The following ADAMTS14 variants were observed in gnomAD, a reference collection of about 807,000 sequenced individuals.
The protein encoded by ADAMTS14 is A disintegrin and metalloproteinase with thrombospondin motifs 14.
Under a neutral mutation model 128.6 loss-of-function variants are expected in ADAMTS14, and 100 were observed. That is an observed-to-expected ratio of 0.78 (90% CI 0.66 to 0.92). The LOEUF (loss-of-function observed/expected upper bound fraction) is 0.92. Ranked by LOEUF, ADAMTS14 falls within the 40% of genes least tolerant of loss-of-function variation. ADAMTS14 has a pLI of 0.00. For synonymous variants in ADAMTS14, 665 were observed against 653.8 expected (o/e 1.02, Z -0.26); for missense variants, 1,562 against 1,658.6 (o/e 0.94, Z 1.01).
intron 11 of ADAMTS14, 139 bp downstream of exon 11, chr10:70,739,129 CAA>C (rs1841919023): frequency 1.8e-6 from 2 of 1,098,900 alleles, no homozygotes; most frequent in Non-Finnish European, 2.5e-6. Context: ...CATGAGGACA[CAA>C]ACTTGTTGGT....
At chr10:70,745,533 C>T in intron 15 of ADAMTS14, 1 of 563,414 alleles carries the variant, frequency 1.8e-6, no homozygotes, top group South Asian at 1.9e-5. Flanking sequence ...TAAAGAGTCC[C>T]CTTTCTACCC....
At chr10:70,746,471 G>A (rs914776879) in intron 15 of ADAMTS14, among the ~76,000 whole-genome samples, 2 of 152,134 alleles carry the variant, frequency 1.3e-5, no homozygotes, top group African/African-American at 2.4e-5. Flanking sequence ...TTTTTGGGGC[G>A]ATGAAAATGT....
In ADAMTS14 at chr10:70,691,048, A is replaced by T. The variant is rs1216995947; in HGVS notation, c.523-11264A>T. Among the ~76,000 whole-genome samples the T allele has an allele frequency of 1.4e-5, 2 of 144,906 alleles. 1 individual carries two copies. The highest frequency in any genetic ancestry group is 1.4e-4 in the Admixed American group (2 of 14,598). On this transcript the variant is annotated intron_variant, in intron 2 of 21. Transcript: ENST00000373207. The stretch of plus-strand genomic sequence containing the variant: ...TGAGGGTGGCTGCTGGCCTGGCAAG[A>T]TCTGCCCTGAGTCTGGCTGGGCTCC...
Position 70,702,618 on chromosome 10 carries a change from A to G in ADAMTS14, c.679+150A>G, listed in dbSNP as rs1840532030. ...CCACATAGACCTGCTGTACTGGCAG[A>G]GAAACCCCATTGCGTTCTAGAAGCT... On this transcript the variant is annotated intron_variant, in intron 3 of 21. Coordinates refer to ENST00000373207, the MANE Select transcript of ADAMTS14 (RefSeq NM_080722.4). 4 of 1,098,686 alleles carry G rather than the reference A, an allele frequency of 3.6e-6. No homozygotes were observed. The South Asian group carries it at 6.9e-5, about 19-fold the overall frequency. 68.1% of individuals were successfully genotyped at this position (1,098,686 alleles called of 1,614,324 possible).
chr10:70,732,758 C>A (rs1374996859), intron 7 of ADAMTS14, among the ~76,000 whole-genome samples: 1 of 152,206 alleles, frequency 6.6e-6, no homozygotes, highest in East Asian at 1.9e-4. Flanking sequence ...AGACTTGATC[C>A]AGCCCACCCT....
intron 20 of ADAMTS14, 31 bp downstream of exon 20, chr10:70,758,122 C>T: frequency 6.2e-7 from 1 of 1,612,310 alleles, no homozygotes; most frequent in Non-Finnish European, 8.5e-7. Flanking sequence ...AGGCCAGGTC[C>T]AGTCCCTTGG....
In ADAMTS14 at chr10:70,760,579, C is replaced by T; in HGVS notation, c.3398C>T (p.Pro1133Leu). 1 of 1,613,844 alleles carries T rather than the reference C, an allele frequency of 6.2e-7. No homozygotes were observed. ...CAGGACCCTGCAGATGCTGCAGAGCCTCCTGGAAAGCCAACGGGATCAGAG... is the reference window on the plus strand; with the variant it reads ...CAGGACCCTGCAGATGCTGCAGAGCTTCCTGGAAAGCCAACGGGATCAGAG... ...GPQDPADAAE[P>L]PGKPTGSEDH... The change falls in exon 22 of 22, where the codon CCT becomes CTT. Residue 1133 changes from proline (P) to leucine (L), a missense_variant. Pro to Leu is a moderately conservative substitution (Grantham distance 98). Transcript: ENST00000373207.
rs1842521708 is a variant in ADAMTS14, at chr10:70,758,064, C to T, written c.3040C>T (p.Gln1014Ter). Residue 1014 changes from glutamine to a stop codon, truncating the protein, a stop_gained, in exon 20 of 22, where the codon CAG (glutamine) becomes TAG (stop). Transcript: ENST00000373207. LOFTEE classifies it high-confidence loss of function. ...HCEGDRPDTV[Q>*]VCSLPACGGN... ...CGAGGGGGATAGGCCAGACACTGTCCAGGTCTGCAGCCTGCCCGCCTGTGG... is the reference window on the plus strand; with the variant it reads ...CGAGGGGGATAGGCCAGACACTGTCTAGGTCTGCAGCCTGCCCGCCTGTGG... 6.2e-7 allele frequency: 1 copy of T among 1,613,158 alleles called. No individual in the cohort carries two copies. The highest frequency in any genetic ancestry group is 1.7e-5 in the Admixed American group (1 of 59,964).
intron 2 of ADAMTS14, among the ~76,000 whole-genome samples, chr10:70,681,232 G>A (rs944297559): frequency 3.5e-4 from 53 of 152,342 alleles, no homozygotes; most frequent in African/African-American, 1.2e-3. Flanking sequence ...GGGTGGCTTG[G>A]AGGTGAGTAC....
chr10:70,741,224 C>G (rs1841991376), intron 12 of ADAMTS14, 62 bp downstream of exon 12: 1 of 1,563,716 alleles, frequency 6.4e-7, no homozygotes, highest in South Asian at 1.2e-5. Context: ...GCTGTGTGTG[C>G]CCAGGCAGGG....
intron 2 of ADAMTS14, among the ~76,000 whole-genome samples, chr10:70,677,787 C>T (rs757428778): frequency 6.6e-6 from 1 of 152,190 alleles, no homozygotes; most frequent in Admixed American, 6.5e-5. Flanking sequence ...ACTTTCCGCC[C>T]ACTCCAGGAA....
chr10:70,683,375 A>G (rs1258145714), intron 2 of ADAMTS14, among the ~76,000 whole-genome samples: 1 of 152,200 alleles, frequency 6.6e-6, no homozygotes. Context: ...CGAAACAAGA[A>G]AGGGAGTCTT....
At chr10:70,721,666 C>T (rs1293979938) in intron 4 of ADAMTS14, among the ~76,000 whole-genome samples, 5 of 152,200 alleles carry the variant, frequency 3.3e-5, no homozygotes, top group African/African-American at 4.8e-5. Context: ...GGATTACAGG[C>T]GTGAGCCACT....
chr10:70,729,131 T>C (rs1482309464), intron 4 of ADAMTS14, among the ~76,000 whole-genome samples, 163 bp from the exon 5 acceptor site: 1 of 152,136 alleles, frequency 6.6e-6, no homozygotes, highest in African/African-American at 2.4e-5. Context: ...CAGGTCATTT[T>C]GCCCCCTCAG....
chr10:70,751,666 C>T lies in ADAMTS14; in HGVS notation c.2596+20C>T, dbSNP rs368621639. 6 of 1,596,960 alleles carry T rather than the reference C, an allele frequency of 3.8e-6. No homozygotes were observed. The African/African-American group carries it at 8.0e-5, about 21-fold the overall frequency. On this transcript the variant is annotated intron_variant, in intron 17 of 21. Transcript: ENST00000373207. Reference sequence around the variant, plus strand: ...GAGGAGGTACCGGTTCCCTGACCCGCCAGTGCTTTGTTGGGGCAGCCCAGG... The same window carrying T: ...GAGGAGGTACCGGTTCCCTGACCCGTCAGTGCTTTGTTGGGGCAGCCCAGG...
rs530033822 is a variant in ADAMTS14, at chr10:70,734,029, G to T, written c.1352+1G>T. 6.2e-7 allele frequency: 1 copy of T among 1,611,898 alleles called. No individual in the cohort carries two copies. The highest frequency in any genetic ancestry group is 1.3e-5 in the African/African-American group (1 of 75,034). On this transcript the variant is annotated splice_donor_variant, in intron 8 of 21. Transcript: ENST00000373207. LOFTEE classifies it high-confidence loss of function. ...AGCTGGAGCTCAGCCGCTACCTCCC[G>T]TAGGTCATTCCTGCCCTCAGAGCTG...
At chr10:70,726,505 A>G (rs1036591093) in intron 4 of ADAMTS14, among the ~76,000 whole-genome samples, 1 of 152,208 alleles carries the variant, frequency 6.6e-6, no homozygotes, top group Non-Finnish European at 1.5e-5. Context: ...ATGGGTTTAC[A>G]TGAGTATGCG....
chr10:70,706,848 G>A (rs1438492144), intron 3 of ADAMTS14, among the ~76,000 whole-genome samples: 2 of 152,234 alleles, frequency 1.3e-5, no homozygotes, highest in Admixed American at 6.5e-5. Flanking sequence ...CTGAGCACCC[G>A]TGTGGGTAGC....
rs139631854 is a variant in ADAMTS14, at chr10:70,702,613, G to T, written c.679+145G>T. The T allele has an allele frequency of 3.7e-5, 42 of 1,133,296 alleles. No homozygotes were observed. In the East Asian group the frequency reaches 1.1e-3, roughly 30 times the overall value. The allele number at this position is 1,133,296 out of a possible 1,614,324, so 70.2% of individuals were successfully genotyped here. ...CTGGGCCACATAGACCTGCTGTACT[G>T]GCAGAGAAACCCCATTGCGTTCTAG... On this transcript the variant is annotated intron_variant, in intron 3 of 21. Coordinates refer to ENST00000373207, the MANE Select transcript of ADAMTS14 (RefSeq NM_080722.4).
Sources: gnomAD v4.1 joint callset for allele counts (sites outside exome capture counted in the v4.1 genomes callset) on GRCh38, gnomAD v4.1.1 for gene constraint, MANE v1.5 for transcripts, NCBI Gene and HGNC (gene_info 2026-07-23, HGNC 2026-07-21) for gene names.